PDE4B: variants seen among roughly 807,000 people sequenced by gnomAD.
PDE4B encodes 3',5'-cyclic-AMP phosphodiesterase 4B.
Under a neutral mutation model 82.2 loss-of-function variants are expected in PDE4B, and 20 were observed. The observed-to-expected ratio is 0.24, with a 90% CI of 0.17 to 0.35. The LOEUF (loss-of-function observed/expected upper bound fraction) is 0.35. Among genes scored for constraint, PDE4B ranks in the 10% least tolerant of loss-of-function variants. PDE4B has a pLI of 1.00. For synonymous variants in PDE4B, 320 were observed against 318.9 expected (o/e 1.00, Z -0.04); for missense variants, 655 against 907.2 (o/e 0.72, Z 3.57).
intron 3 of PDE4B, among the ~76,000 whole-genome samples, chr1:66,091,119 C>A (rs1645014807): frequency 6.6e-6 from 1 of 151,930 alleles, no homozygotes; most frequent in African/African-American, 2.4e-5. Context: ...AACAGTTTTT[C>A]TAGTTTCTTT....
intron 3 of PDE4B, among the ~76,000 whole-genome samples, chr1:65,923,079 A>G (rs1422768782): frequency 6.6e-6 from 1 of 151,786 alleles, no homozygotes. Context: ...AAGTTCTCAC[A>G]TTTATCTTCC....
At chr1:66,080,022 C>T (rs576584594) in intron 3 of PDE4B, among the ~76,000 whole-genome samples, 3 of 152,252 alleles carry the variant, frequency 2.0e-5, no homozygotes, top group East Asian at 1.9e-4. Context: ...AAAGCCTGTT[C>T]TGTCCTCAGA....
At chr1:66,159,746 G>C (rs1318377861) in intron 3 of PDE4B, among the ~76,000 whole-genome samples, 1 of 151,782 alleles carries the variant, frequency 6.6e-6, no homozygotes, top group African/African-American at 2.4e-5. Flanking sequence ...AATATTCCCT[G>C]TCTTTATAGG....
At chr1:66,055,593 A>G (rs1364243802) in intron 3 of PDE4B, among the ~76,000 whole-genome samples, 1 of 151,960 alleles carries the variant, frequency 6.6e-6, no homozygotes, top group East Asian at 1.9e-4. Context: ...ATAAGAAATT[A>G]TTTTTAAACT....
At chr1:66,243,514 A>G (rs1319072337) in intron 3 of PDE4B, among the ~76,000 whole-genome samples, 3 of 152,228 alleles carry the variant, frequency 2.0e-5, no homozygotes, top group Non-Finnish European at 4.4e-5. Flanking sequence ...ATAAAGTACT[A>G]TGGTAAAGGA....
intron 1 of PDE4B, among the ~76,000 whole-genome samples, chr1:65,847,403 G>A (rs1343376419): frequency 6.6e-6 from 1 of 152,166 alleles, no homozygotes; most frequent in Non-Finnish European, 1.5e-5. Flanking sequence ...GCTATGGCTG[G>A]GGCTGTACAG....
chr1:66,130,071 A>C (rs1233348874), intron 3 of PDE4B, among the ~76,000 whole-genome samples: 2 of 152,262 alleles, frequency 1.3e-5, no homozygotes, highest in Non-Finnish European at 2.9e-5. Context: ...CAGAGATCCA[A>C]CATGCAGCTA....
chr1:66,366,017 A>G (rs1663217795), intron 13 of PDE4B, among the ~76,000 whole-genome samples: 1 of 152,200 alleles, frequency 6.6e-6, no homozygotes, highest in South Asian at 2.1e-4. Flanking sequence ...CAAATACAAT[A>G]TGTAAGGAAA....
chr1:65,950,626 C>T (rs1937458), intron 3 of PDE4B, among the ~76,000 whole-genome samples: 48,418 of 151,776 alleles, frequency 0.32, 8,289 homozygotes, highest in East Asian at 0.46. Flanking sequence ...CAGAACTAGT[C>T]GTACATAGAG....
At chr1:66,238,721 G>C (rs1384553208) in intron 3 of PDE4B, among the ~76,000 whole-genome samples, 1 of 149,346 alleles carries the variant, frequency 6.7e-6, no homozygotes, top group Non-Finnish European at 1.5e-5. Flanking sequence ...TACTATGAGG[G>C]AGAATGAGTG....
chr1:65,810,788 TATTTA>T (rs1645809893), intron 1 of PDE4B, among the ~76,000 whole-genome samples: 1 of 152,216 alleles, frequency 6.6e-6, no homozygotes. Context: ...AATTATTTTC[TATTTA>T]ATTCTTTTCT....
intron 1 of PDE4B, among the ~76,000 whole-genome samples, chr1:65,874,984 A>G (rs1179803743): frequency 6.6e-6 from 1 of 151,304 alleles, no homozygotes; most frequent in Non-Finnish European, 1.5e-5. Flanking sequence ...TCTGCACAGC[A>G]AAAGAAACTA....
chr1:65,824,218 G>A (rs1645988886), intron 1 of PDE4B, among the ~76,000 whole-genome samples: 1 of 152,046 alleles, frequency 6.6e-6, no homozygotes, highest in African/African-American at 2.4e-5. Context: ...TTCTCAGGCT[G>A]GTGTGTTCTT....
At position 65,921,237 on chromosome 1, in the gene PDE4B, G is replaced by A. The variant is rs537938135; in HGVS notation, c.281+2402G>A. Among the ~76,000 whole-genome samples the A allele has an allele frequency of 2.6e-5, 4 of 151,960 alleles. No homozygotes were observed. In the East Asian group the frequency reaches 7.7e-4, roughly 29 times the overall value. ...CCCGCCTCGGCCTCCCAAAGTGCTG[G>A]GATTACAGGTGTGAGCCACCGCGCC... On this transcript the variant is annotated intron_variant, in intron 3 of 16. Transcript: ENST00000341517.
chr1:65,798,163 G>A (rs555791193), intron 1 of PDE4B, among the ~76,000 whole-genome samples: 6 of 150,582 alleles, frequency 4.0e-5, no homozygotes, highest in Non-Finnish European at 8.9e-5. Context: ...GATTACAGGT[G>A]TGTAACACCA....
intron 3 of PDE4B, among the ~76,000 whole-genome samples, chr1:66,136,447 AATCCCAGTACTTT>A: frequency 6.6e-6 from 1 of 152,274 alleles, no homozygotes; most frequent in African/African-American, 2.4e-5. Context: ...TCATGCCTGT[AATCCCAGTACTTT>A]GTACTTTGGG....
At chr1:65,817,666 G>A (rs1645902409) in intron 1 of PDE4B, among the ~76,000 whole-genome samples, 1 of 152,132 alleles carries the variant, frequency 6.6e-6, no homozygotes, top group African/African-American at 2.4e-5. Context: ...AATGAAAAGA[G>A]CTAGAAGCAT....
intron 3 of PDE4B, among the ~76,000 whole-genome samples, chr1:66,100,095 C>T (rs142376863): frequency 6.6e-5 from 10 of 152,074 alleles, no homozygotes; most frequent in African/African-American, 2.4e-4. Flanking sequence ...GCTCTGTTGC[C>T]CAGGCTGAAG....
rs1653428582 is a variant in PDE4B at position 66,247,665 on chromosome 1, G to C, written c.476+11G>C. 1 of 1,537,544 alleles carries C rather than the reference G, an allele frequency of 6.5e-7. No individual in the cohort carries two copies. The highest frequency in any genetic ancestry group is 1.4e-5 in the African/African-American group (1 of 72,418). On this transcript the variant is annotated intron_variant, in intron 4 of 16. Transcript: ENST00000341517. The stretch of plus-strand genomic sequence containing the variant: ...TCTTCCAAGCGAGCAGTAAGTACAA[G>C]CTCTGTCTGGCTTCCAGTTTCACAT...
Sources: allele counts gnomAD v4.1 joint callset (sites outside exome capture counted in the v4.1 genomes callset), GRCh38; gene constraint gnomAD v4.1.1; transcripts MANE v1.5; gene names NCBI Gene and HGNC (gene_info 2026-07-23, HGNC 2026-07-21).